KPNA5: variants seen among roughly 807,000 people sequenced by gnomAD.
KPNA5 encodes the protein karyopherin subunit alpha 5.
Under a neutral mutation model 71.3 loss-of-function variants are expected in KPNA5, and 46 were observed. The observed-to-expected ratio is 0.65, with a 90% CI of 0.51 to 0.83. The LOEUF (loss-of-function observed/expected upper bound fraction) is 0.83. KPNA5 is among the 40% of genes least tolerant of loss of function. The pLI is 0.00. For synonymous variants in KPNA5, 207 were observed against 201.4 expected (o/e 1.03, Z -0.24); for missense variants, 547 against 628.3 (o/e 0.87, Z 1.38).
At chr6:116,726,718 T>A (rs981567014) in intron 12 of KPNA5, 96 bp downstream of exon 12, 4 of 1,073,138 alleles carry the variant, frequency 3.7e-6, no homozygotes, top group Non-Finnish European at 5.2e-6. Context: ...AAAATATTAT[T>A]TCTAAGTCAG....
chr6:116,716,151 G>A, intron 7 of KPNA5, 68 bp from the exon 8 acceptor site: 1 of 1,140,104 alleles, frequency 8.8e-7, no homozygotes, highest in African/African-American at 1.6e-5. Context: ...GAGAAATTTT[G>A]TATTATGATA....
chr6:116,691,972 A>T, intron 2 of KPNA5, 83 bp from the exon 3 acceptor site: 1 of 853,618 alleles, frequency 1.2e-6, no homozygotes, highest in Non-Finnish European at 1.9e-6. Context: ...TCTTTTGTCC[A>T]CTCAAATGAA....
In KPNA5 at chr6:116,741,384, T is replaced by C. The variant is rs1420488479; in HGVS notation, c.*9061T>C. ...TTTTTTTAAGGTTCAGATGAGAATT[T>C]GTACATTTATGTGCTAAAAGTACAG... On this transcript the variant is annotated 3_prime_UTR_variant, in exon 14 of 14. Transcript: ENST00000368564. 3 of 152,176 alleles carry C rather than the reference T, an allele frequency of 2.0e-5. No homozygotes were observed. Among genetic ancestry groups the C allele is most frequent in the African/African-American group, 7.2e-5 (3 of 41,460 alleles). 9.4% of individuals were successfully genotyped at this position (152,176 alleles called of 1,614,324 possible). A position where few individuals can be genotyped will look rare whatever the true frequency, so the allele number is the denominator to read the frequency against.
At chr6:116,708,997 G>C (rs1778550280) in intron 7 of KPNA5, among the ~76,000 whole-genome samples, 1 of 152,080 alleles carries the variant, frequency 6.6e-6, no homozygotes, top group Non-Finnish European at 1.5e-5. Flanking sequence ...TGTTGGCCAG[G>C]CTGGTCTTGA....
In KPNA5 at chr6:116,689,327, G is replaced by A; in HGVS notation, c.12G>A (p.Met4Ile). Residue 4 changes from methionine (M) to isoleucine (I), a missense_variant, in exon 2 of 14, where the codon ATG (methionine) becomes ATA (isoleucine). Transcript: ENST00000368564. The stretch of plus-strand genomic sequence containing the variant: ...TTTTCTCCTTCCTTTAAGATGCCAT[G>A]GCTAGTCCAGGGAAAGATAACTATA... Reference protein sequence around the residue: MDAMASPGKDNYRM... With the variant: MDAIASPGKDNYRM... 1 of 1,601,990 alleles carries A rather than the reference G, an allele frequency of 6.2e-7. No homozygotes were observed. Among genetic ancestry groups the A allele is most frequent in the East Asian group, 2.2e-5 (1 of 44,460 alleles).
chr6:116,709,770 C>CTT (rs550085717), intron 7 of KPNA5, among the ~76,000 whole-genome samples: 17 of 144,530 alleles, frequency 1.2e-4, no homozygotes, highest in African/African-American at 4.0e-4. Context: ...CCTTCTATTT[C>CTT]TTTTTTTTTT....
intron 7 of KPNA5, 63 bp from the exon 8 acceptor site, chr6:116,716,156 A>G (rs1428661428): frequency 3.3e-6 from 4 of 1,221,456 alleles, no homozygotes; most frequent in Non-Finnish European, 4.7e-6. Context: ...ATTTTGTATT[A>G]TGATAGCTAA....
At chr6:116,696,648 C>G (rs979786921) in intron 4 of KPNA5, among the ~76,000 whole-genome samples, 32 of 152,074 alleles carry the variant, frequency 2.1e-4, no homozygotes, top group African/African-American at 7.2e-4. Flanking sequence ...AGAAAGTTCT[C>G]CAAAGCTTTT....
chr6:116,723,154 G>A (rs1009817052), intron 9 of KPNA5, among the ~76,000 whole-genome samples: 1 of 152,122 alleles, frequency 6.6e-6, no homozygotes, highest in Non-Finnish European at 1.5e-5. Context: ...ATATAGGGAG[G>A]TTAGGAAAAT....
In KPNA5 at chr6:116,740,774, C is replaced by T. The variant is rs536000763; in HGVS notation, c.*8451C>T. The T allele has an allele frequency of 7.0e-6, 1 of 143,144 alleles. No individual in the cohort carries two copies. Among genetic ancestry groups the T allele is most frequent in the Admixed American group, 7.7e-5 (1 of 12,992 alleles). The allele number at this position is 143,144 out of a possible 1,614,324, so 8.9% of individuals were successfully genotyped here. A position where few individuals can be genotyped will look rare whatever the true frequency, so the allele number is the denominator to read the frequency against. On this transcript the variant is annotated 3_prime_UTR_variant, in exon 14 of 14. Coordinates refer to ENST00000368564, the MANE Select transcript of KPNA5 (RefSeq NM_001366306.2). ...AAACCAAATGCCGCATCTTCTCACT[C>T]ATAGGTGGGAATTGAACAATGAGAA... is the stretch of plus-strand genomic sequence containing the variant.
intron 2 of KPNA5, among the ~76,000 whole-genome samples, chr6:116,691,423 AT>A: frequency 6.6e-6 from 1 of 151,852 alleles, no homozygotes; most frequent in Non-Finnish European, 1.5e-5. Flanking sequence ...TTGGCTTCTT[AT>A]TTTTTATTGT....
chr6:116,708,098 A>G (rs752701776), intron 7 of KPNA5, among the ~76,000 whole-genome samples: 1 of 152,176 alleles, frequency 6.6e-6, no homozygotes, highest in Non-Finnish European at 1.5e-5. Flanking sequence ...CGTTCTTTTT[A>G]TGGCTGAATT....
chr6:116,685,003 C>G (rs1398988166), intron 1 of KPNA5, among the ~76,000 whole-genome samples: 1 of 152,118 alleles, frequency 6.6e-6, no homozygotes, highest in Non-Finnish European at 1.5e-5. Context: ...CATAAACTTG[C>G]CGTATTATCC....
At chr6:116,704,106 C>G (rs1778343472) in intron 6 of KPNA5, among the ~76,000 whole-genome samples, 1 of 151,858 alleles carries the variant, frequency 6.6e-6, no homozygotes, top group Non-Finnish European at 1.5e-5. Context: ...GACATGATCT[C>G]AGCTCACTGC....
At chr6:116,708,154 G>GA (rs758528214) in intron 7 of KPNA5, among the ~76,000 whole-genome samples, 12 of 152,122 alleles carry the variant, frequency 7.9e-5, no homozygotes, top group Non-Finnish European at 1.5e-4. Flanking sequence ...TTCATTAATA[G>GA]ATGGACACTT....
intron 1 of KPNA5, among the ~76,000 whole-genome samples, chr6:116,684,017 A>T (rs936997487): frequency 7.1e-6 from 1 of 139,944 alleles, no homozygotes; most frequent in Admixed American, 7.8e-5. Flanking sequence ...AGTTCAAGCA[A>T]TTCTCCTGCC....
chr6:116,702,245 T>C (rs561450513), intron 6 of KPNA5, 95 bp downstream of exon 6: 10 of 1,293,664 alleles, frequency 7.7e-6, no homozygotes, highest in Non-Finnish European at 1.1e-5. Flanking sequence ...TTTTTGTTTC[T>C]AATTGCTGTA....
At position 116,726,344 on chromosome 6, in the gene KPNA5, G is replaced by C. The variant is rs543183822; in HGVS notation, c.1126-151G>C. The stretch of plus-strand genomic sequence containing the variant: ...ATGTAAAAAGAAAAATATTTGAAAA[G>C]TTTGCTGACAGAATAGAAATTAAAA... On this transcript the variant is annotated intron_variant, in intron 11 of 13. Transcript: ENST00000368564. The C allele has an allele frequency of 1.5e-4, 94 of 609,552 alleles. No homozygotes were observed. In the African/African-American group the frequency reaches 1.7e-3, roughly 11 times the overall value. The allele number at this position is 609,552 out of a possible 1,614,324, so 37.8% of individuals were successfully genotyped here. A position where few individuals can be genotyped will look rare whatever the true frequency, so the allele number is the denominator to read the frequency against.
rs1779519152 is a variant in KPNA5, at chr6:116,732,119, T to TATATATATATATATATATATAC, written c.1433-14_1433-13insTATATATATATATATATACATA. On this transcript the variant is annotated splice_polypyrimidine_tract_variant and intron_variant, in intron 13 of 13. Transcript: ENST00000368564. ...ATATATATATATATATATATATATA[T>TATATATATATATATATATATAC]ATACTTTGTATAACAGGTCTGGATA... The TATATATATATATATATATATAC allele has an allele frequency of 2.0e-6, 1 of 502,736 alleles. No individual in the cohort carries two copies. The highest frequency in any genetic ancestry group is 3.2e-6 in the Non-Finnish European group (1 of 308,796). The allele number at this position is 502,736 out of a possible 1,614,324, so 31.1% of individuals were successfully genotyped here.
Sources: gnomAD v4.1 joint callset for allele counts (sites outside exome capture counted in the v4.1 genomes callset) on GRCh38, gnomAD v4.1.1 for gene constraint, MANE v1.5 for transcripts, NCBI Gene and HGNC (gene_info 2026-07-23, HGNC 2026-07-21) for gene names.